The following PAX3 variants were observed in gnomAD, a reference collection of about 807,000 sequenced individuals.
The protein encoded by PAX3 is paired box 3, also known as paired box protein Pax-3.
In PAX3, 14 loss-of-function variants were observed where a neutral mutation model predicts 51.6. The ratio of observed to expected loss-of-function variants is 0.27; its 90% CI spans 0.18 to 0.42. The LOEUF (loss-of-function observed/expected upper bound fraction) is 0.42. Among genes scored for constraint, PAX3 ranks in the 10% least tolerant of loss-of-function variants. The pLI, the probability that PAX3 is intolerant of heterozygous loss-of-function variation, is 1.00. For synonymous variants in PAX3, 280 were observed against 253.4 expected (o/e 1.11, Z -1.00); for missense variants, 540 against 642.8 (o/e 0.84, Z 1.73).
intron 5 of PAX3, among the ~76,000 whole-genome samples, chr2:222,230,167 C>A (rs1424050166): frequency 1.3e-5 from 2 of 151,522 alleles, no homozygotes; most frequent in East Asian, 1.9e-4. Context: ...CAGAATGAGA[C>A]CCTGTCTCAA....
chr2:222,251,335 A>G (rs1693423546), intron 4 of PAX3, among the ~76,000 whole-genome samples: 1 of 151,596 alleles, frequency 6.6e-6, no homozygotes, highest in Admixed American at 6.6e-5. Flanking sequence ...ATTCCCACCT[A>G]TAAGTGAGAA....
chr2:222,246,148 G>A (rs1015144604), intron 4 of PAX3, among the ~76,000 whole-genome samples: 1 of 152,134 alleles, frequency 6.6e-6, no homozygotes, highest in Non-Finnish European at 1.5e-5. Context: ...TGCTCTGAGG[G>A]ACTGAAGTTG....
intron 4 of PAX3, among the ~76,000 whole-genome samples, chr2:222,276,866 A>C (rs1694440965): frequency 6.6e-6 from 1 of 152,230 alleles, no homozygotes; most frequent in Admixed American, 6.5e-5. Flanking sequence ...AAGACAGAGG[A>C]TGCTGTGTAG....
At chr2:222,291,165 GC>G (rs942460735) in intron 4 of PAX3, among the ~76,000 whole-genome samples, 4 of 152,178 alleles carry the variant, frequency 2.6e-5, no homozygotes, top group Non-Finnish European at 5.9e-5. Flanking sequence ...GAACAGAGGC[GC>G]CCATTGAGCG....
chr2:222,289,575 A>G (rs1694955893), intron 4 of PAX3, among the ~76,000 whole-genome samples: 1 of 152,168 alleles, frequency 6.6e-6, no homozygotes, highest in South Asian at 2.1e-4. Flanking sequence ...TTCCGGTGCT[A>G]TCAACAATCA....
In PAX3 at chr2:222,254,158, T is replaced by TA. The variant is rs148509175; in HGVS notation, c.587-21876dup. On this transcript the variant is annotated intron_variant, in intron 4 of 8. Transcript: ENST00000392070. ...AAATGCCTATTGCAAATTTTTTTTT[T>TA]AAAAAAAAGTTTCACTTTAAGTATT... is the stretch of plus-strand genomic sequence containing the variant. Among the ~76,000 whole-genome samples, 442 of 151,772 alleles carry TA rather than the reference T, an allele frequency of 2.9e-3. 3 individuals carry two copies. The highest frequency in any genetic ancestry group is 0.01 in the African/African-American group (427 of 41,424).
chr2:222,260,506 A>T (rs1407280951), intron 4 of PAX3, among the ~76,000 whole-genome samples: 3 of 148,942 alleles, frequency 2.0e-5, no homozygotes, highest in Non-Finnish European at 4.4e-5. Context: ...TTTCAATACC[A>T]TAAGGTCATG....
At position 222,201,255 on chromosome 2, in the gene PAX3, AAATC is replaced by A. The variant is rs770046575; in HGVS notation, c.*149_*152del. The A allele has an allele frequency of 5.0e-6, 8 of 1,614,046 alleles. No individual in the cohort carries two copies. In the South Asian group the frequency reaches 7.7e-5, roughly 16 times the overall value. On this transcript the variant is annotated 3_prime_UTR_variant, in exon 9 of 9. Transcript: ENST00000392070. ...TTTGAAACCAACTATTGGAGGAAGAAAATCAATCACTCTCCTTTGTCTCCTATTG... is the reference window on the plus strand; with the variant it reads ...TTTGAAACCAACTATTGGAGGAAGAAAATCACTCTCCTTTGTCTCCTATTG...
chr2:222,254,939 A>T (rs10205143), intron 4 of PAX3, among the ~76,000 whole-genome samples: 8 of 152,002 alleles, frequency 5.3e-5, no homozygotes, highest in Admixed American at 2.0e-4. Context: ...TGCACCACCA[A>T]GCCTGGCTAA....
At chr2:222,221,483 C>G in intron 5 of PAX3, 96 bp from the exon 6 acceptor site, 1 of 1,144,804 alleles carries the variant, frequency 8.7e-7, no homozygotes, top group Non-Finnish European at 1.3e-6. Flanking sequence ...AGGCTTCTTA[C>G]TGAAAGGGCA....
chr2:222,200,062 G>A lies in PAX3; in HGVS notation c.*1346C>T, dbSNP rs1264826212. ...TGAACTAAATTCGGTACTATGTCTA[G>A]TCTCACTAACTCGCTACGTCATAGT... On this transcript the variant is annotated 3_prime_UTR_variant, in exon 9 of 9. Transcript: ENST00000392070. 2 of 209,046 alleles carry A rather than the reference G, an allele frequency of 9.6e-6. No homozygotes were observed. Among genetic ancestry groups the A allele is most frequent in the Non-Finnish European group, 1.9e-5 (2 of 102,592 alleles). The allele number at this position is 209,046 out of a possible 1,614,324, so 12.9% of individuals were successfully genotyped here.
At chr2:222,269,252 A>C (rs1445090322) in intron 4 of PAX3, among the ~76,000 whole-genome samples, 1 of 152,104 alleles carries the variant, frequency 6.6e-6, no homozygotes, top group South Asian at 2.1e-4. Context: ...ACTCACTTCA[A>C]ACTGCCTTGA....
At position 222,230,114 on chromosome 2, in the gene PAX3, T is replaced by C. The variant is rs145440349; in HGVS notation, c.792+1964A>G. 2.6e-3 allele frequency among the ~76,000 whole-genome samples: 397 copies of C among 152,060 alleles called. 3 individuals are homozygous for C. The highest frequency in any genetic ancestry group is 0.022 in the South Asian group (107 of 4,806). On this transcript the variant is annotated intron_variant, in intron 5 of 8. Coordinates refer to ENST00000392070, the MANE Select transcript of PAX3 (RefSeq NM_181458.4). ...TCACCTGAGCTCAGGAGGTGTAGGC[T>C]TCAGTGAGCTGTGATTGTACCACTG...
At chr2:222,276,155 T>C (rs1264481436) in intron 4 of PAX3, among the ~76,000 whole-genome samples, 1 of 152,162 alleles carries the variant, frequency 6.6e-6, no homozygotes, top group Non-Finnish European at 1.5e-5. Flanking sequence ...TGTGTAGCAA[T>C]TCTAACTTCC....
chr2:222,216,040 A>T (rs1022557947), intron 7 of PAX3, among the ~76,000 whole-genome samples: 16 of 152,124 alleles, frequency 1.1e-4, no homozygotes, highest in African/African-American at 3.9e-4. Flanking sequence ...TCCCTGACAC[A>T]TGCAGCCTTT....
At position 222,267,397 on chromosome 2, in the gene PAX3, A is replaced by G. The variant is rs999926377; in HGVS notation, c.586+26770T>C. ...GATGGACACTTCCTAATCTTTCCAG[A>G]TATATGACTTTTAGTCACCCTTTCA... On this transcript the variant is annotated intron_variant, in intron 4 of 8. Transcript: ENST00000392070. Among the ~76,000 whole-genome samples, 4 of 152,226 alleles carry G rather than the reference A, an allele frequency of 2.6e-5. No individual in the cohort carries two copies. In the East Asian group the frequency reaches 7.7e-4, roughly 29 times the overall value.
chr2:222,276,187 A>G (rs574860617), intron 4 of PAX3, among the ~76,000 whole-genome samples: 1 of 152,274 alleles, frequency 6.6e-6, no homozygotes, highest in Admixed American at 6.5e-5. Flanking sequence ...TGTGCAACCC[A>G]TTGAAAGTGA....
At position 222,201,988 on chromosome 2, in the gene PAX3, C is replaced by T; in HGVS notation, c.1376G>A (p.Ser459Asn). ...CPPTYSTTGY[S>N]MDPVTGYQYG... ...TTGGTAGCCTGTGACAGGGTCCATA[C>T]TGTAGCCTGTGGTGCTATAGGTGGG... Residue 459 changes from serine (S) to asparagine (N), a missense_variant, in exon 8 of 9, where the codon AGT becomes AAT. Ser to Asn is a conservative substitution (Grantham distance 46). Coordinates refer to ENST00000392070, the MANE Select transcript of PAX3 (RefSeq NM_181458.4). 1 of 1,614,080 alleles carries T rather than the reference C, an allele frequency of 6.2e-7. No individual in the cohort carries two copies. The highest frequency in any genetic ancestry group is 1.3e-5 in the African/African-American group (1 of 75,034).
chr2:222,297,121 C>T lies in PAX3; in HGVS notation c.178G>A (p.Val60Met). The change falls in exon 2 of 9, where the codon GTG becomes ATG. Residue 60 changes from valine (V) to methionine (M), a missense_variant. Transcript: ENST00000392070. ...CGGATGCCGTGGTGGGCCATCTCCA[C>T]GATCTTGTGGCGGATGTGGTTGGGC... ...PLPNHIRHKI[V>M]EMAHHGIRPC... 1 of 1,613,368 alleles carries T rather than the reference C, an allele frequency of 6.2e-7. No individual in the cohort carries two copies. Among genetic ancestry groups the T allele is most frequent in the Non-Finnish European group, 8.5e-7 (1 of 1,179,758 alleles).
Sources: gnomAD v4.1 joint callset for allele counts (sites outside exome capture counted in the v4.1 genomes callset) on GRCh38, gnomAD v4.1.1 for gene constraint, MANE v1.5 for transcripts, NCBI Gene and HGNC (gene_info 2026-07-23, HGNC 2026-07-21) for gene names.